The following SHISA6 variants were observed in gnomAD, a reference collection of about 807,000 sequenced individuals.
SHISA6 encodes the protein shisa family member 6.
A neutral mutation model predicts 47.9 loss-of-function variants in SHISA6; 22 were observed. That is an observed-to-expected ratio of 0.46 (90% CI 0.33 to 0.66). The LOEUF is 0.66. Among genes scored for constraint, SHISA6 ranks in the 30% least tolerant of loss-of-function variants. The probability of loss-of-function intolerance (pLI) is 0.02; values close to 1 mark genes in which losing one functional copy is unlikely to be tolerated. For synonymous variants in SHISA6, 388 were observed against 337.8 expected (o/e 1.15, Z -1.63); for missense variants, 680 against 764.6 (o/e 0.89, Z 1.30).
In SHISA6 at chr17:11,242,051, A is replaced by G; in HGVS notation, c.629A>G (p.Asn210Ser). Residue 210 changes from asparagine to serine, a missense_variant, in exon 1 of 6, where the codon AAC (asparagine) becomes AGC (serine). By Grantham distance (46) the Asn-to-Ser change is conservative (BLOSUM62 1). Around this residue, in one of 2 missense-constraint regions of SHISA6, gnomAD observed 559 missense variants for 674.1 expected, o/e 0.83. Coordinates refer to ENST00000441885, the MANE Select transcript of SHISA6 (RefSeq NM_207386.4). ...GCCCACCGCCCTCCACGGGAGATGAACATCCACAGGTGAGAGCGCCGCGTG... is the reference window on the plus strand; with the variant it reads ...GCCCACCGCCCTCCACGGGAGATGAGCATCCACAGGTGAGAGCGCCGCGTG... ...DKAHRPPREMNIHRALADILR... is the reference protein window; with the variant it reads ...DKAHRPPREMSIHRALADILR... 6.4e-7 allele frequency: 1 copy of G among 1,550,596 alleles called. No individual in the cohort carries two copies. Among genetic ancestry groups the G allele is most frequent in the African/African-American group, 1.4e-5 (1 of 73,178 alleles).
At chr17:11,487,954 A>G (rs1916391011) in intron 3 of SHISA6, among the ~76,000 whole-genome samples, 1 of 152,204 alleles carries the variant, frequency 6.6e-6, no homozygotes, top group African/African-American at 2.4e-5. Context: ...AAAGGCAAAA[A>G]CCCATTTAAA....
chr17:11,516,063 A>G (rs2071583654), intron 3 of SHISA6, among the ~76,000 whole-genome samples: 1 of 152,190 alleles, frequency 6.6e-6, no homozygotes, highest in Non-Finnish European at 1.5e-5. Context: ...TAATGTTGTG[A>G]CATCATCCTA....
At position 11,241,451 on chromosome 17, in the gene SHISA6, TG is replaced by T; in HGVS notation, c.30del (p.Leu11CysfsTer25). ...GCGCTGCGGCGCCTCCTGCTGCTGC[TG>T]CTGCTCTCGCTGGAGTCCCTGGACC... MALRRLLLL[L>X]LLSLESLDLL... On this transcript the variant is annotated frameshift_variant, in exon 1 of 6. Coordinates refer to ENST00000441885, the MANE Select transcript of SHISA6 (RefSeq NM_207386.4). LOFTEE classifies it high-confidence loss of function. The surrounding 1 kb of genome is among the most constrained non-coding windows in gnomAD (Gnocchi z 5.5). 8.3e-7 allele frequency: 1 copy of T among 1,204,374 alleles called. No homozygotes were observed. The highest frequency in any genetic ancestry group is 1.0e-6 in the Non-Finnish European group (1 of 952,810). The allele number at this position is 1,204,374 out of a possible 1,614,324, so 74.6% of individuals were successfully genotyped here.
intron 3 of SHISA6, among the ~76,000 whole-genome samples, chr17:11,516,211 T>C (rs2969230): frequency 0.55 from 84,128 of 152,058 alleles, 23,634 homozygotes; most frequent in African/African-American, 0.66. Flanking sequence ...AAACATCTAG[T>C]GCTACATAAG....
At chr17:11,472,890 G>T (rs1336822025) in intron 3 of SHISA6, among the ~76,000 whole-genome samples, 1 of 152,080 alleles carries the variant, frequency 6.6e-6, no homozygotes. Flanking sequence ...GTCTTGATTT[G>T]CATTTTCTTG....
At chr17:11,439,330 C>T (rs914206908) in intron 3 of SHISA6, among the ~76,000 whole-genome samples, 4 of 152,058 alleles carry the variant, frequency 2.6e-5, no homozygotes, top group African/African-American at 4.8e-5. Context: ...CGTACATCTA[C>T]GGGTGGGGGG....
intron 3 of SHISA6, among the ~76,000 whole-genome samples, chr17:11,491,247 C>G (rs1916468558): frequency 6.6e-6 from 1 of 152,110 alleles, no homozygotes; most frequent in South Asian, 2.1e-4. Context: ...GAAATAATGG[C>G]CTCGAGCAGG....
chr17:11,258,780 C>T (rs1295332705), intron 1 of SHISA6, among the ~76,000 whole-genome samples: 2 of 152,228 alleles, frequency 1.3e-5, no homozygotes, highest in Non-Finnish European at 2.9e-5. Flanking sequence ...GTGAATGACA[C>T]ACTAAGGTGA....
In SHISA6 at chr17:11,277,280, T is replaced by TCTCTCTCTCTCTCTCA. The variant is rs1386997909; in HGVS notation, c.799+13755_799+13756insTCTCTCTCTCTCTCAC. ...CTCTCTCTCTCTCTCTCTCTCTCTC[T>TCTCTCTCTCTCTCTCA]CACACACACACACACACACACACAC... On this transcript the variant is annotated intron_variant, in intron 2 of 5. Transcript: ENST00000441885. 9.6e-4 allele frequency among the ~76,000 whole-genome samples: 52 copies of TCTCTCTCTCTCTCTCA among 53,914 alleles called. 2 individuals carry two copies. The highest frequency in any genetic ancestry group is 0.015 in the Middle Eastern group (1 of 66). The allele number at this position is 53,914 out of a possible 152,430, so 35.4% of individuals were successfully genotyped here.
At chr17:11,449,267 C>T (rs1002196936) in intron 3 of SHISA6, among the ~76,000 whole-genome samples, 3 of 151,966 alleles carry the variant, frequency 2.0e-5, no homozygotes, top group African/African-American at 7.3e-5. Context: ...CACGGTGAAA[C>T]CTCGTCTCTA....
intron 2 of SHISA6, among the ~76,000 whole-genome samples, chr17:11,297,472 G>A (rs1346168031): frequency 6.6e-6 from 1 of 152,034 alleles, no homozygotes; most frequent in African/African-American, 2.4e-5. Context: ...TGTCTAGGGG[G>A]TCCAGGACAA....
intron 1 of SHISA6, among the ~76,000 whole-genome samples, chr17:11,249,073 GC>G (rs571741737): frequency 3.8e-4 from 57 of 150,894 alleles, no homozygotes; most frequent in African/African-American, 1.3e-3. Flanking sequence ...GGGAGGTGGA[GC>G]TTGCAGTGAG....
Position 11,279,818 on chromosome 17 carries a change from G to C in SHISA6, c.799+16292G>C, listed in dbSNP as rs6502137. Among the ~76,000 whole-genome samples, 5 of 87,282 alleles carry C rather than the reference G, an allele frequency of 5.7e-5. No individual in the cohort carries two copies. In the South Asian group the frequency reaches 1.3e-3, roughly 22 times the overall value. 57.3% of individuals were successfully genotyped at this position (87,282 alleles called of 152,430 possible). The stretch of plus-strand genomic sequence containing the variant: ...AGAGCAAAAAGAGAGAGAGAAAGAG[G>C]GAGAGAGAGAGAGGAGGCTAAGGAA... On this transcript the variant is annotated intron_variant, in intron 2 of 5. Coordinates refer to ENST00000441885, the MANE Select transcript of SHISA6 (RefSeq NM_207386.4).
intron 2 of SHISA6, among the ~76,000 whole-genome samples, chr17:11,272,778 G>A (rs1024059858): frequency 2.0e-5 from 3 of 152,148 alleles, no homozygotes; most frequent in Non-Finnish European, 4.4e-5. Context: ...TAAGTCCCAC[G>A]GGGAACAGTA....
At chr17:11,424,905 G>A (rs1453635115) in intron 3 of SHISA6, among the ~76,000 whole-genome samples, 1 of 150,986 alleles carries the variant, frequency 6.6e-6, no homozygotes, top group African/African-American at 2.4e-5. Context: ...GCTACTGGGG[G>A]CTGAGGCAGG....
chr17:11,263,534 A>T lies in SHISA6; in HGVS notation c.799+8A>T, dbSNP rs1331188176. 15 of 1,551,466 alleles carry T rather than the reference A, an allele frequency of 9.7e-6. No individual in the cohort carries two copies. The highest frequency in any genetic ancestry group is 1.2e-5 in the Non-Finnish European group (14 of 1,146,906). ...CGGCCAAGCAGACTCCAGGTAAGTA[A>T]CAGCTGGGCACCTTGATTCTTTGCT... On this transcript the variant is annotated splice_region_variant and intron_variant, in intron 2 of 5. Transcript: ENST00000441885.
intron 3 of SHISA6, among the ~76,000 whole-genome samples, chr17:11,443,547 T>A (rs936626646): frequency 6.6e-6 from 1 of 152,202 alleles, no homozygotes; most frequent in Non-Finnish European, 1.5e-5. Context: ...AGTAGAGGCA[T>A]GGTTGTAGAC....
intron 3 of SHISA6, among the ~76,000 whole-genome samples, chr17:11,541,514 T>C (rs2071833505): frequency 6.6e-6 from 1 of 152,190 alleles, no homozygotes; most frequent in South Asian, 2.1e-4. Context: ...GTCAGTCTGG[T>C]ACAACAAATA....
chr17:11,279,352 A>G (rs562998169), intron 2 of SHISA6, among the ~76,000 whole-genome samples: 32 of 152,310 alleles, frequency 2.1e-4, no homozygotes, highest in African/African-American at 7.7e-4. Flanking sequence ...GAGGTACGAG[A>G]CAATAAACAT....
Sources: allele counts gnomAD v4.1 joint callset (sites outside exome capture counted in the v4.1 genomes callset), GRCh38; gene constraint gnomAD v4.1.1; regional missense constraint gnomAD v4.1.1; non-coding constraint Gnocchi (gnomAD v3.1); transcripts MANE v1.5; gene names NCBI Gene and HGNC (gene_info 2026-07-23, HGNC 2026-07-21).